DNAH5: variants seen among roughly 807,000 people sequenced by gnomAD.
DNAH5 encodes dynein axonemal heavy chain 5, also known as axonemal beta dynein heavy chain 5.
A neutral mutation model predicts 518.2 loss-of-function variants in DNAH5; 372 were observed. That is an observed-to-expected ratio of 0.72 (90% CI 0.66 to 0.78). The LOEUF (loss-of-function observed/expected upper bound fraction) is 0.78, where lower values mean the gene tolerates loss of function less well. DNAH5 is among the 30% of genes least tolerant of loss of function. The probability of loss-of-function intolerance (pLI) is 0.00; values close to 1 mark genes in which losing one functional copy is unlikely to be tolerated. For missense variants in DNAH5, 5,523 were observed against 5,687.0 expected, an observed-to-expected ratio of 0.97 and a Z score of 0.93; for synonymous variants, 2,039 against 2,025.9, an observed-to-expected ratio of 1.01 and a Z score of -0.17.
At chr5:13,822,462 G>C (rs541894543) in intron 40 of DNAH5, among the ~76,000 whole-genome samples, 9 of 152,114 alleles carry the variant, frequency 5.9e-5, no homozygotes, top group Admixed American at 2.6e-4. Context: ...ATGTTGCCTA[G>C]GCTGGTCTCA....
intron 55 of DNAH5, among the ~76,000 whole-genome samples, chr5:13,771,524 T>C (rs543379254): frequency 6.6e-6 from 1 of 152,330 alleles, no homozygotes. Flanking sequence ...AGTATTCTTT[T>C]AGAATGTTTG....
intron 47 of DNAH5, among the ~76,000 whole-genome samples, chr5:13,805,069 T>C (rs987162755): frequency 6.6e-6 from 1 of 152,186 alleles, no homozygotes; most frequent in African/African-American, 2.4e-5. Context: ...TCCTGAGTGA[T>C]AGAAAGGACT....
chr5:13,836,657 C>T (rs1764434261), intron 35 of DNAH5, among the ~76,000 whole-genome samples: 1 of 152,178 alleles, frequency 6.6e-6, no homozygotes, highest in African/African-American at 2.4e-5. Context: ...GAAAGTATGA[C>T]AAAATAATGG....
At chr5:13,905,094 G>C (rs998539161) in intron 12 of DNAH5, among the ~76,000 whole-genome samples, 7 of 152,328 alleles carry the variant, frequency 4.6e-5, no homozygotes, top group African/African-American at 1.7e-4. Context: ...TAGCATTAAA[G>C]GGAACAATTT....
In DNAH5 at chr5:13,811,820, A is replaced by G; in HGVS notation, c.7234T>C (p.Phe2412Leu). The change falls in exon 44 of 79, where the codon TTT (phenylalanine) becomes CTT (leucine). Residue 2412 changes from phenylalanine to leucine, a missense_variant. Physicochemically the swap from Phe to Leu is conservative, Grantham distance 22. Coordinates refer to ENST00000265104, the MANE Select transcript of DNAH5 (RefSeq NM_001369.3). ...TCTTGAGGTGAGCGTTTCTTAAGAA[A>G]ACCCTGTCAGTTCACAGACAAGTGT... ...ILDWSPILEG[F>L]LKKRSPQEAE... is the part of the protein sequence containing the mutation. 1 of 1,614,140 alleles carries G rather than the reference A, an allele frequency of 6.2e-7. No individual in the cohort carries two copies. Among genetic ancestry groups the G allele is most frequent in the Non-Finnish European group, 8.5e-7 (1 of 1,180,014 alleles).
intron 52 of DNAH5, among the ~76,000 whole-genome samples, chr5:13,784,760 A>G (rs995129771): frequency 6.6e-6 from 1 of 152,246 alleles, no homozygotes; most frequent in Non-Finnish European, 1.5e-5. Flanking sequence ...AGTAGTTGAT[A>G]TCAACTAAGT....
At chr5:13,852,128 C>A (rs809467) in intron 30 of DNAH5, among the ~76,000 whole-genome samples, 9,386 of 152,046 alleles carry the variant, frequency 0.062, 312 homozygotes, top group African/African-American at 0.079. Context: ...GCACAAAATT[C>A]GGTGGCCGTT....
chr5:13,862,393 G>T (rs1768578942), intron 29 of DNAH5, among the ~76,000 whole-genome samples, 155 bp downstream of exon 29: 1 of 152,132 alleles, frequency 6.6e-6, no homozygotes, highest in Non-Finnish European at 1.5e-5. Flanking sequence ...ATATGTTTTG[G>T]ATATAAAAAT....
chr5:13,914,085 T>C, intron 10 of DNAH5, 127 bp from the exon 11 acceptor site: 1 of 1,116,160 alleles, frequency 9.0e-7, no homozygotes, highest in Non-Finnish European at 1.3e-6. Flanking sequence ...TGCCTTTGCT[T>C]GTACTCACTC....
intron 35 of DNAH5, among the ~76,000 whole-genome samples, chr5:13,837,692 CTTTTTT>C (rs534618242): frequency 2.2e-3 from 208 of 95,098 alleles, no homozygotes; most frequent in Non-Finnish European, 3.0e-3. Context: ...GGGAACTCCA[CTTTTTT>C]TTTTTTTTTT....
intron 35 of DNAH5, among the ~76,000 whole-genome samples, chr5:13,836,749 G>A (rs961339494): frequency 3.9e-5 from 6 of 152,238 alleles, no homozygotes; most frequent in Non-Finnish European, 8.8e-5. Context: ...CTTTGCAGAT[G>A]TCATTAATGT....
In DNAH5 at chr5:13,838,376, A is replaced by G. The variant is rs542645591; in HGVS notation, c.5882+980T>C. On this transcript the variant is annotated intron_variant, in intron 35 of 78. Transcript: ENST00000265104. ...GCGGCGGGCAAGTGAGAGAAGCTTCATCTCTATTTATAGCCACTCCCATGG... is the reference window on the plus strand; with the variant it reads ...GCGGCGGGCAAGTGAGAGAAGCTTCGTCTCTATTTATAGCCACTCCCATGG... 7.8e-4 allele frequency among the ~76,000 whole-genome samples: 119 copies of G among 152,250 alleles called. 1 individual carries two copies. The South Asian group carries it at 0.023, about 29-fold the overall frequency.
In DNAH5 at chr5:13,902,104, G is replaced by A; in HGVS notation, c.1679C>T (p.Ala560Val). 2 of 1,609,664 alleles carry A rather than the reference G, an allele frequency of 1.2e-6. No individual in the cohort carries two copies. The highest frequency in any genetic ancestry group is 1.3e-5 in the African/African-American group (1 of 74,964). Residue 560 changes from alanine to valine, a missense_variant, in exon 13 of 79, where the codon GCA (alanine) becomes GTA (valine). Ala to Val is a moderately conservative substitution (Grantham distance 64). Around this residue, in one of 3 missense-constraint regions of DNAH5, gnomAD observed 5,121 missense variants for 5,223.3 expected, o/e 0.98. Coordinates refer to ENST00000265104, the MANE Select transcript of DNAH5 (RefSeq NM_001369.3). ...AGCTTGATTTGTGTTTTGAATCTTT[G>A]CAAATGTAACATCCATGAACTTCCG... Reference protein sequence around the residue: ...ELRKFMDVTFAKIQNTNQALR... With the variant: ...ELRKFMDVTFVKIQNTNQALR...
At chr5:13,844,729 G>T in intron 32 of DNAH5, 108 bp downstream of exon 32, 1 of 1,427,208 alleles carries the variant, frequency 7.0e-7, no homozygotes, top group South Asian at 1.2e-5. Flanking sequence ...AAGAGCTAAT[G>T]AACAGGGAAG....
At chr5:13,739,986 T>A (rs1039442194) in intron 65 of DNAH5, among the ~76,000 whole-genome samples, 39 of 152,146 alleles carry the variant, frequency 2.6e-4, no homozygotes, top group African/African-American at 8.9e-4. Flanking sequence ...CTTAGCACCA[T>A]CAGCAAAACT....
At chr5:13,736,641 T>C (rs1747500941) in intron 66 of DNAH5, among the ~76,000 whole-genome samples, 1 of 152,104 alleles carries the variant, frequency 6.6e-6, no homozygotes, top group Non-Finnish European at 1.5e-5. Flanking sequence ...TGACCAGGCC[T>C]GTCTCACACT....
chr5:13,869,170 G>T (rs1234868292), intron 24 of DNAH5, among the ~76,000 whole-genome samples: 1 of 152,120 alleles, frequency 6.6e-6, no homozygotes, highest in East Asian at 1.9e-4. Context: ...AAAATGTGTA[G>T]TAGTCTGTAC....
chr5:13,714,689 G>C, intron 74 of DNAH5, 69 bp from the exon 75 acceptor site: 1 of 1,512,954 alleles, frequency 6.6e-7, no homozygotes, highest in East Asian at 2.3e-5. Flanking sequence ...CACTATTTTA[G>C]GAAACAAAAA....
At chr5:13,961,319 C>T (rs943797764) in intron 1 of DNAH5, among the ~76,000 whole-genome samples, 1 of 152,104 alleles carries the variant, frequency 6.6e-6, no homozygotes, top group African/African-American at 2.4e-5. Flanking sequence ...GTTCCTATTC[C>T]CATTTTCCAA....
Sources: gnomAD v4.1 joint callset for allele counts (sites outside exome capture counted in the v4.1 genomes callset) on GRCh38, gnomAD v4.1.1 for gene constraint, gnomAD v4.1.1 regional missense constraint, MANE v1.5 for transcripts, NCBI Gene and HGNC (gene_info 2026-07-23, HGNC 2026-07-21) for gene names.